The following MEP1A variants were observed in gnomAD, a reference collection of about 807,000 sequenced individuals.
The protein encoded by MEP1A is N-benzoyl-L-tyrosyl-P-amino-benzoic acid hydrolase subunit alpha.
MEP1A carries 68 observed loss-of-function variants against 84.5 expected under a neutral mutation model. The ratio of observed to expected loss-of-function variants is 0.80; its 90% CI spans 0.66 to 0.98. The LOEUF (loss-of-function observed/expected upper bound fraction) is 0.98. MEP1A is among the 50% of genes least tolerant of loss of function. The pLI is 0.00. For missense variants in MEP1A, 887 were observed against 919.9 expected, an observed-to-expected ratio of 0.96 and a Z score of 0.46; for synonymous variants, 337 against 336.8, an observed-to-expected ratio of 1.00 and a Z score of -0.01.
intron 5 of MEP1A, among the ~76,000 whole-genome samples, chr6:46,801,071 G>A (rs761694853): frequency 2.0e-5 from 3 of 152,054 alleles, no homozygotes; most frequent in Non-Finnish European, 2.9e-5. Flanking sequence ...GTTGGGGCTA[G>A]TATGAAGAAA....
chr6:46,845,128 C>T, the MEP1A span, among the ~76,000 whole-genome samples: 1 of 152,168 alleles, frequency 6.6e-6, no homozygotes, highest in South Asian at 2.1e-4. Context: ...ATTACCCAGT[C>T]TCAGGTAGTT....
intron 7 of MEP1A, among the ~76,000 whole-genome samples, chr6:46,824,156 T>G (rs1767845923): frequency 6.6e-6 from 1 of 152,092 alleles, no homozygotes; most frequent in Non-Finnish European, 1.5e-5. Flanking sequence ...TGAACATAAT[T>G]GATTGTGAAC....
At chr6:46,797,876 TTCCTTCC>T (rs1767093528) in intron 3 of MEP1A, among the ~76,000 whole-genome samples, 3 of 69,142 alleles carry the variant, frequency 4.3e-5, no homozygotes, top group South Asian at 6.2e-4. Context: ...CTACCTTTCC[TTCCTTCC>T]TTCCTTCCTT....
intron 5 of MEP1A, among the ~76,000 whole-genome samples, chr6:46,804,405 A>G (rs1280457001): frequency 1.3e-5 from 2 of 151,810 alleles, no homozygotes; most frequent in African/African-American, 4.8e-5. Context: ...AAAAGTTAAA[A>G]GCATTATGCA....
chr6:46,829,341 CT>C lies in MEP1A; in HGVS notation c.929-14del. On this transcript the variant is annotated splice_polypyrimidine_tract_variant and intron_variant, in intron 9 of 13. Transcript: ENST00000230588. ...GGGAAGCCAGACGTGTGATGTTTGG[CT>C]GCTCTTTCCATAGGTGCCGGCTACT... 1 of 1,610,494 alleles carries C rather than the reference CT, an allele frequency of 6.2e-7. No homozygotes were observed. The highest frequency in any genetic ancestry group is 8.5e-7 in the Non-Finnish European group (1 of 1,178,206).
At chr6:46,826,546 G>A (rs749733353) in intron 9 of MEP1A, 43 bp downstream of exon 9, 5 of 1,388,226 alleles carry the variant, frequency 3.6e-6, no homozygotes, top group African/African-American at 2.9e-5. Context: ...TGGTTCACCA[G>A]GTTCAATTAG....
chr6:46,805,675 T>C (rs1357184143), intron 5 of MEP1A, among the ~76,000 whole-genome samples: 2 of 151,984 alleles, frequency 1.3e-5, no homozygotes, highest in African/African-American at 4.8e-5. Context: ...ATGTCTTTTT[T>C]CTCTAGTTGT....
chr6:46,819,576 T>C lies in MEP1A; in HGVS notation c.428T>C (p.Ile143Thr), dbSNP rs1674259758. The part of the protein sequence containing the change: ...GDQHVGQNIS[I>T]GQGCAYKAII... Reference sequence around the variant, plus strand: ...CAACATGTGGGACAGAACATTTCCATTGGCCAAGGATGTGCCTATAAGGCC... The same window carrying C: ...CAACATGTGGGACAGAACATTTCCACTGGCCAAGGATGTGCCTATAAGGCC... The change falls in exon 7 of 14, where the codon ATT becomes ACT. Residue 143 changes from isoleucine (I) to threonine (T), a missense_variant. By Grantham distance (89) the Ile-to-Thr change is moderately conservative (BLOSUM62 -1). Transcript: ENST00000230588. 1 of 1,614,000 alleles carries C rather than the reference T, an allele frequency of 6.2e-7. No homozygotes were observed.
At chr6:46,796,459 C>T (rs887405503) in intron 3 of MEP1A, among the ~76,000 whole-genome samples, 2 of 152,188 alleles carry the variant, frequency 1.3e-5, no homozygotes, top group Non-Finnish European at 2.9e-5. Context: ...TCCCACTTTA[C>T]CTTTCATTTG....
intron 5 of MEP1A, among the ~76,000 whole-genome samples, chr6:46,805,838 A>G (rs1581667279): frequency 6.6e-6 from 1 of 152,086 alleles, no homozygotes; most frequent in East Asian, 1.9e-4. Context: ...ACGTTAGGCC[A>G]TTATTTGCTC....
At chr6:46,820,213 A>G (rs2062600922) in intron 7 of MEP1A, among the ~76,000 whole-genome samples, 1 of 152,200 alleles carries the variant, frequency 6.6e-6, no homozygotes. Context: ...TAACACCCCA[A>G]TTATGTTAAT....
At chr6:46,807,771 G>GAAAGAAAGAAAGAAAGAAAA (rs1767382936) in intron 5 of MEP1A, among the ~76,000 whole-genome samples, 1 of 34,264 alleles carries the variant, frequency 2.9e-5, no homozygotes, top group African/African-American at 9.9e-5. Context: ...AGGGAGAAAG[G>GAAAGAAAGAAAGAAAGAAAA]AAAGAAAGAA....
At chr6:46,800,159 G>A (rs557978209) in intron 5 of MEP1A, among the ~76,000 whole-genome samples, 1 of 152,176 alleles carries the variant, frequency 6.6e-6, no homozygotes, top group Non-Finnish European at 1.5e-5. Context: ...AATGGAACAT[G>A]ATTTAAGAAA....
rs370508632 is a variant in MEP1A, at chr6:46,836,431, T to C, written c.2084+882T>C. ...TTTTAGTCTCCTTTTTTTTCTCTTT[T>C]TGTAGCTTTTATTTTGAAATAATTT... On this transcript the variant is annotated intron_variant, in intron 13 of 13. Coordinates refer to ENST00000230588, the MANE Select transcript of MEP1A (RefSeq NM_005588.3). Among the ~76,000 whole-genome samples the C allele has an allele frequency of 1.7e-4, 26 of 152,346 alleles. No homozygotes were observed. The South Asian group carries it at 3.7e-3, about 22-fold the overall frequency.
intron 5 of MEP1A, among the ~76,000 whole-genome samples, chr6:46,802,304 A>G (rs969007301): frequency 4.6e-5 from 7 of 151,884 alleles, no homozygotes; most frequent in African/African-American, 1.7e-4. Flanking sequence ...TGTCTTTGGT[A>G]AATTCATTTC....
intron 9 of MEP1A, among the ~76,000 whole-genome samples, chr6:46,827,861 A>G (rs895662137): frequency 6.6e-6 from 1 of 152,230 alleles, no homozygotes; most frequent in Non-Finnish European, 1.5e-5. Context: ...TGTGAGCGGA[A>G]TCTGCTGAAA....
intron 3 of MEP1A, 78 bp downstream of exon 3, chr6:46,793,794 C>G: frequency 9.7e-7 from 1 of 1,031,280 alleles, no homozygotes; most frequent in South Asian, 1.4e-5. Flanking sequence ...ACTTTCCTTC[C>G]TAATACTGTA....
rs576160680 is a variant in MEP1A, at chr6:46,826,368, C to G, written c.793C>G (p.Leu265Val). 2 of 1,604,788 alleles carry G rather than the reference C, an allele frequency of 1.2e-6. No homozygotes were observed. Among genetic ancestry groups the G allele is most frequent in the East Asian group, 4.5e-5 (2 of 44,748 alleles). Reference protein sequence around the residue: ...RMYNCTTTHTLLDHCTFEKAN... With the variant: ...RMYNCTTTHTVLDHCTFEKAN... Reference sequence around the variant, plus strand: ...ATAATTTGCAGCCACAACTCACACTCTTTTGGACCACTGTACTTTTGAGAA... The same window carrying G: ...ATAATTTGCAGCCACAACTCACACTGTTTTGGACCACTGTACTTTTGAGAA... Residue 265 changes from leucine (L) to valine (V), a missense_variant, in exon 9 of 14, where the codon CTT (leucine) becomes GTT (valine). Transcript: ENST00000230588.
intron 3 of MEP1A, 109 bp from the exon 4 acceptor site, chr6:46,798,497 A>AGAT: frequency 1.1e-6 from 1 of 942,582 alleles, no homozygotes; most frequent in Admixed American, 2.0e-5. Flanking sequence ...TGCCACATAA[A>AGAT]GATTAATATT....
Sources: gnomAD v4.1 joint callset for allele counts (sites outside exome capture counted in the v4.1 genomes callset) on GRCh38, gnomAD v4.1.1 for gene constraint, MANE v1.5 for transcripts, NCBI Gene and HGNC (gene_info 2026-07-23, HGNC 2026-07-21) for gene names.